The following UGT2A3 variants were observed in gnomAD, a reference collection of about 807,000 sequenced individuals.
The protein encoded by UGT2A3 is UDP-glucuronosyltransferase 2A3.
UGT2A3 carries 55 observed loss-of-function variants against 44.1 expected under a neutral mutation model. That is an observed-to-expected ratio of 1.25 (90% CI 1.00 to 1.56). The LOEUF (loss-of-function observed/expected upper bound fraction) is 1.56, where lower values mean the gene tolerates loss of function less well. UGT2A3 is among the 40% of genes most tolerant of loss of function. The pLI, the probability that UGT2A3 is intolerant of heterozygous loss-of-function variation, is 0.00. For synonymous variants in UGT2A3, 243 were observed against 215.1 expected (o/e 1.13, Z -1.13); for missense variants, 733 against 621.6 (o/e 1.18, Z -1.91).
intron 2 of UGT2A3, among the ~76,000 whole-genome samples, chr4:68,942,337 C>CTATA (rs1388925620): frequency 6.5e-5 from 9 of 138,550 alleles, no homozygotes; most frequent in African/African-American, 1.3e-4. Flanking sequence ...CTCTCTCTCT[C>CTATA]TCTATATATA....
At chr4:68,945,927 C>G (rs1577855864) in intron 1 of UGT2A3, among the ~76,000 whole-genome samples, 1 of 151,550 alleles carries the variant, frequency 6.6e-6, no homozygotes, top group Non-Finnish European at 1.5e-5. Context: ...AATCTATAGT[C>G]AAGGGTATAT....
At chr4:68,942,504 G>GATATATATATATATATAT (rs34118122) in intron 2 of UGT2A3, among the ~76,000 whole-genome samples, 117 of 130,938 alleles carry the variant, frequency 8.9e-4, no homozygotes, top group Non-Finnish European at 1.4e-3. Context: ...TTCCACTGGA[G>GATATATATATATATATAT]ATATATATAT....
At chr4:68,934,864 A>C (rs1006020195) in intron 2 of UGT2A3, among the ~76,000 whole-genome samples, 2 of 151,930 alleles carry the variant, frequency 1.3e-5, no homozygotes, top group Admixed American at 6.6e-5. Context: ...GTGACATTTC[A>C]TCTCTAAAAT....
chr4:68,943,843 T>C (rs1447953042), intron 2 of UGT2A3, among the ~76,000 whole-genome samples: 1 of 151,728 alleles, frequency 6.6e-6, no homozygotes, highest in Non-Finnish European at 1.5e-5. Flanking sequence ...AAAGTGACTA[T>C]CTTTCAGTCT....
At chr4:68,933,086 AATT>A (rs756121063) in intron 2 of UGT2A3, among the ~76,000 whole-genome samples, 1 of 152,084 alleles carries the variant, frequency 6.6e-6, no homozygotes, top group Non-Finnish European at 1.5e-5. Flanking sequence ...TAAAATATAA[AATT>A]ATTATTTGAG....
chr4:68,949,577 TTGC>T (rs1440446404), intron 1 of UGT2A3, among the ~76,000 whole-genome samples: 3 of 151,914 alleles, frequency 2.0e-5, no homozygotes, highest in Non-Finnish European at 4.4e-5. Flanking sequence ...AAGTACACAC[TTGC>T]TGTTGGAAAT....
At chr4:68,936,536 T>A (rs1020705601) in intron 2 of UGT2A3, among the ~76,000 whole-genome samples, 5 of 152,066 alleles carry the variant, frequency 3.3e-5, no homozygotes, top group Admixed American at 3.3e-4. Context: ...CCACCAGGCC[T>A]GCCTTACAAG....
rs910061544 is a variant in UGT2A3 at position 68,944,199 on chromosome 4, C to T, written c.864+1107G>A. 4.0e-5 allele frequency among the ~76,000 whole-genome samples: 6 copies of T among 151,710 alleles called. No individual in the cohort carries two copies. The East Asian group carries it at 7.8e-4, about 20-fold the overall frequency. ...TCAGGGTTTCCTATAATGTGGTTAC[C>T]TTTGTAGGGATAAAGAAGACATAGG... On this transcript the variant is annotated intron_variant, in intron 2 of 5. Transcript: ENST00000251566.
rs779973262 is a variant in UGT2A3, at chr4:68,930,763, G to A, written c.1087C>T (p.His363Tyr). The stretch of plus-strand genomic sequence containing the variant: ...GTGATAAAAGCTTTGGTTTTGGGAT[G>A]ACCTAGTATGTAAATTGGATGAGAA... ...DWIPQNDLLG[H>Y]PKTKAFITHG... The change falls in exon 5 of 6, where the codon CAT becomes TAT. Residue 363 changes from histidine (H) to tyrosine (Y), a missense_variant and splice_region_variant. His to Tyr is a moderately conservative substitution (Grantham distance 83, BLOSUM62 2). Transcript: ENST00000251566. 2 of 1,575,554 alleles carry A rather than the reference G, an allele frequency of 1.3e-6. No homozygotes were observed. The highest frequency in any genetic ancestry group is 8.6e-7 in the Non-Finnish European group (1 of 1,165,784).
intron 1 of UGT2A3, among the ~76,000 whole-genome samples, chr4:68,949,602 T>G (rs988007157): frequency 6.6e-6 from 1 of 151,900 alleles, no homozygotes; most frequent in Non-Finnish European, 1.5e-5. Context: ...TTACGCCAAA[T>G]TGATTAGCTT....
chr4:68,948,439 C>CTTTTTTTTTTTTTTTT (rs60082800), intron 1 of UGT2A3, among the ~76,000 whole-genome samples: 17 of 110,140 alleles, frequency 1.5e-4, no homozygotes, highest in African/African-American at 6.2e-4. Context: ...TCTTTTTTTT[C>CTTTTTTTTTTTTTTTT]TTTTTTTTTT....
chr4:68,948,127 A>G (rs1718447950), intron 1 of UGT2A3, among the ~76,000 whole-genome samples: 1 of 151,914 alleles, frequency 6.6e-6, no homozygotes, highest in African/African-American at 2.4e-5. Context: ...TCTTCTTCCA[A>G]CAGAAGGCTG....
chr4:68,948,996 T>C (rs183140843), intron 1 of UGT2A3, among the ~76,000 whole-genome samples: 27 of 151,872 alleles, frequency 1.8e-4, no homozygotes, highest in Non-Finnish European at 3.1e-4. Flanking sequence ...TAATGAGAGA[T>C]ATGCAAGAGA....
At chr4:68,938,016 T>C (rs116414812) in intron 2 of UGT2A3, among the ~76,000 whole-genome samples, 18,503 of 151,798 alleles carry the variant, frequency 0.12, 1,588 homozygotes, top group Admixed American at 0.24. Flanking sequence ...TCAAGAAAAA[T>C]TTGAATCTCT....
chr4:68,950,542 C>T (rs773812512), intron 1 of UGT2A3, among the ~76,000 whole-genome samples: 1 of 151,728 alleles, frequency 6.6e-6, no homozygotes, highest in Non-Finnish European at 1.5e-5. Context: ...CTATCTTATG[C>T]CCCACAAGAC....
chr4:68,946,897 G>A (rs115603924), intron 1 of UGT2A3, among the ~76,000 whole-genome samples: 1,772 of 151,734 alleles, frequency 0.012, 34 homozygotes, highest in African/African-American at 0.041. Context: ...ATATCATCAC[G>A]TTTAAAAAGG....
Position 68,951,035 on chromosome 4 carries a change from A to C in UGT2A3, c.715+11T>G, listed in dbSNP as rs1444376552. On this transcript the variant is annotated intron_variant, in intron 1 of 5. Transcript: ENST00000251566. ...GATAACTAAATTAAAAATAAAACAA[A>C]AGTGTCTTACCTAATGCCTTACTAT... is the stretch of plus-strand genomic sequence containing the variant. The C allele has an allele frequency of 2.7e-6, 4 of 1,492,948 alleles. No individual in the cohort carries two copies. Among genetic ancestry groups the C allele is most frequent in the Non-Finnish European group, 3.6e-6 (4 of 1,116,262 alleles). The allele number at this position is 1,492,948 out of a possible 1,614,324, so 92.5% of individuals were successfully genotyped here. A position where few individuals can be genotyped will look rare whatever the true frequency, so the allele number is the denominator to read the frequency against.
chr4:68,951,533 C>G lies in UGT2A3; in HGVS notation c.228G>C (p.Val76=). Residue 76 remains valine, a synonymous_variant, in exon 1 of 6, where the codon GTG becomes GTC. Transcript: ENST00000251566. The part of the protein sequence containing the change: ...YRKPSALKFE[V]VHMPQDRTEE... ...CTGTTCTGTCCTGTGGCATATGGAC[C>G]ACCTCAAATTTCAATGCAGAAGGCT... The G allele has an allele frequency of 6.2e-7, 1 of 1,612,808 alleles. No individual in the cohort carries two copies. The highest frequency in any genetic ancestry group is 8.5e-7 in the Non-Finnish European group (1 of 1,179,396).
chr4:68,929,847 A>C lies in UGT2A3; in HGVS notation c.1550T>G (p.Phe517Cys). 6.2e-7 allele frequency: 1 copy of C among 1,606,382 alleles called. No individual in the cohort carries two copies. Residue 517 changes from phenylalanine to cysteine, a missense_variant, in exon 6 of 6, where the codon TTT (phenylalanine) becomes TGT (cysteine). Coordinates refer to ENST00000251566, the MANE Select transcript of UGT2A3 (RefSeq NM_024743.4). ...TKCFLFSCQKFNKTRKIEKRE is the reference protein window; with the variant it reads ...TKCFLFSCQKCNKTRKIEKRE ...CTTTTCTATCTTTCTAGTTTTATTA[A>C]ATTTTTGACAGGAAAATAAAAAACA...
Sources: allele counts gnomAD v4.1 joint callset (sites outside exome capture counted in the v4.1 genomes callset), GRCh38; gene constraint gnomAD v4.1.1; transcripts MANE v1.5; gene names NCBI Gene and HGNC (gene_info 2026-07-23, HGNC 2026-07-21).